Variants in CYP51A1 observed in about 807,000 individuals in gnomAD.
CYP51A1 encodes the protein cytochrome P450 family 51 subfamily A member 1.
In CYP51A1, 45 loss-of-function variants were observed where a neutral mutation model predicts 53.5. The ratio of observed to expected loss-of-function variants is 0.84; its 90% CI spans 0.66 to 1.08. CYP51A1 has a LOEUF of 1.08. CYP51A1 is among the 50% of genes least tolerant of loss of function. The probability of loss-of-function intolerance (pLI) is 0.00; values close to 1 mark genes in which losing one functional copy is unlikely to be tolerated. For synonymous variants in CYP51A1, 181 were observed against 217.7 expected (o/e 0.83, Z 1.48); for missense variants, 462 against 621.7 (o/e 0.74, Z 2.73).
In CYP51A1 at chr7:92,112,166, A is replaced by AATT. The variant is rs1222707491; in HGVS notation, c.*1496_*1498dup. 3.3e-5 allele frequency: 5 copies of AATT among 152,198 alleles called. No individual in the cohort carries two copies. The highest frequency in any genetic ancestry group is 7.4e-5 in the Non-Finnish European group (5 of 68,024). 9.4% of individuals were successfully genotyped at this position (152,198 alleles called of 1,614,324 possible). ...ATACAGACTGTATTTTTTCAAAGAG[A>AATT]ATTTTAATCTGAAAAATTAGCAGAG... On this transcript the variant is annotated 3_prime_UTR_variant, in exon 10 of 10. Coordinates refer to ENST00000003100, the MANE Select transcript of CYP51A1 (RefSeq NM_000786.4).
intron 7 of CYP51A1, among the ~76,000 whole-genome samples, chr7:92,121,238 C>T (rs530916058): frequency 3.9e-4 from 59 of 150,932 alleles, no homozygotes; most frequent in African/African-American, 1.1e-3. Context: ...GCCAAGGTCG[C>T]GCCATTGCAC....
At position 92,126,237 on chromosome 7, in the gene CYP51A1, T is replaced by C. The variant is rs762005865; in HGVS notation, c.770+16A>G. ...CAAAGTTAAATAACCTAGTGTAATATATTCTTTATCCATACCTGAAACTAG... is the reference window on the plus strand; with the variant it reads ...CAAAGTTAAATAACCTAGTGTAATACATTCTTTATCCATACCTGAAACTAG... On this transcript the variant is annotated intron_variant, in intron 5 of 9. Coordinates refer to ENST00000003100, the MANE Select transcript of CYP51A1 (RefSeq NM_000786.4). 5 of 1,568,210 alleles carry C rather than the reference T, an allele frequency of 3.2e-6. No homozygotes were observed. The South Asian group carries it at 6.0e-5, about 19-fold the overall frequency.
chr7:92,131,948 A>AC (rs1325375335), intron 1 of CYP51A1, 76 bp from the exon 2 acceptor site: 1 of 878,436 alleles, frequency 1.1e-6, no homozygotes, highest in South Asian at 1.4e-5. Context: ...TCATGACCAA[A>AC]CAATTAAACA....
At chr7:92,123,447 A>T in intron 6 of CYP51A1, 132 bp from the exon 7 acceptor site, 2 of 870,030 alleles carry the variant, frequency 2.3e-6, no homozygotes, top group Non-Finnish European at 3.5e-6. Flanking sequence ...ATCACAAGTC[A>T]AGAGTTTTTT....
In CYP51A1 at chr7:92,126,177, T is replaced by C. The variant is rs556559220; in HGVS notation, c.770+76A>G. 4.6e-5 allele frequency: 47 copies of C among 1,026,866 alleles called. No individual in the cohort carries two copies. In the South Asian group the frequency reaches 6.9e-4, roughly 15 times the overall value. 63.6% of individuals were successfully genotyped at this position (1,026,866 alleles called of 1,614,324 possible). A position where few individuals can be genotyped will look rare whatever the true frequency, so the allele number is the denominator to read the frequency against. ...TTTACTTGTTTAATTTTTATCTTTGTTAAGGCAAAGCATACCAACACTACA... is the reference window on the plus strand; with the variant it reads ...TTTACTTGTTTAATTTTTATCTTTGCTAAGGCAAAGCATACCAACACTACA... On this transcript the variant is annotated intron_variant, in intron 5 of 9. Transcript: ENST00000003100.
chr7:92,127,242 G>A (rs1819818552), intron 4 of CYP51A1, among the ~76,000 whole-genome samples: 1 of 152,138 alleles, frequency 6.6e-6, no homozygotes, highest in African/African-American at 2.4e-5. Flanking sequence ...GCTGCCCTGG[G>A]TCCTGCTGCC....
At chr7:92,119,370 C>T (rs747315928) in intron 7 of CYP51A1, among the ~76,000 whole-genome samples, 1 of 152,166 alleles carries the variant, frequency 6.6e-6, no homozygotes, top group African/African-American at 2.4e-5. Flanking sequence ...GACCTGTACA[C>T]ACAGGTAGTG....
At chr7:92,127,162 A>G (rs1019066649) in intron 4 of CYP51A1, among the ~76,000 whole-genome samples, 1 of 152,214 alleles carries the variant, frequency 6.6e-6, no homozygotes, top group Non-Finnish European at 1.5e-5. Context: ...ATATCAACTT[A>G]AGTATACCAA....
At chr7:92,131,103 A>T (rs139198261) in intron 2 of CYP51A1, among the ~76,000 whole-genome samples, 1 of 152,314 alleles carries the variant, frequency 6.6e-6, no homozygotes, top group African/African-American at 2.4e-5. Flanking sequence ...CGGAAAGAGG[A>T]AAGTGAAGAA....
chr7:92,129,391 T>C (rs971734714), intron 2 of CYP51A1, among the ~76,000 whole-genome samples: 15 of 152,216 alleles, frequency 9.9e-5, no homozygotes, highest in East Asian at 7.7e-4. Flanking sequence ...GGGTTTTCTT[T>C]AGTTATTACA....
chr7:92,120,880 C>A (rs1819678105), intron 7 of CYP51A1, among the ~76,000 whole-genome samples: 1 of 152,068 alleles, frequency 6.6e-6, no homozygotes, highest in African/African-American at 2.4e-5. Flanking sequence ...AAAGACAACT[C>A]ATTTTAAATA....
Position 92,123,307 on chromosome 7 carries a change from C to G in CYP51A1, c.899G>C (p.Arg300Pro). The change falls in exon 7 of 10, where the codon CGT becomes CCT. Residue 300 changes from arginine (R) to proline (P), a missense_variant. Physicochemically the swap from Arg to Pro is moderately radical, Grantham distance 103. Transcript: ENST00000003100. ...TLLDATYKDGRPLTDDEVAGM... is the reference protein window; with the variant it reads ...TLLDATYKDGPPLTDDEVAGM... ...TGCTACTTCATCATCAGTCAAAGGA[C>G]GCCCATCCCTAAGGAATGAACCAAA... is the stretch of plus-strand genomic sequence containing the variant. The G allele has an allele frequency of 6.2e-7, 1 of 1,612,340 alleles. No homozygotes were observed. Among genetic ancestry groups the G allele is most frequent in the Non-Finnish European group, 8.5e-7 (1 of 1,179,092 alleles).
chr7:92,120,709 A>T (rs1170153258), intron 7 of CYP51A1, among the ~76,000 whole-genome samples: 1 of 152,244 alleles, frequency 6.6e-6, no homozygotes, highest in Non-Finnish European at 1.5e-5. Flanking sequence ...ACATAAATTA[A>T]TTCATAATGG....
chr7:92,122,563 T>C (rs1250367055), intron 7 of CYP51A1, among the ~76,000 whole-genome samples: 1 of 152,214 alleles, frequency 6.6e-6, no homozygotes, highest in African/African-American at 2.4e-5. Context: ...ATGTGCCATA[T>C]TAATATAGGA....
intron 9 of CYP51A1, among the ~76,000 whole-genome samples, chr7:92,115,267 TC>T (rs1262657105): frequency 3.9e-5 from 6 of 152,196 alleles, no homozygotes. Context: ...TTCAAGTCCA[TC>T]CAGAACCTTA....
rs1819376299 is a variant in CYP51A1, at chr7:92,112,246, C to A, written c.*1419G>T. 1 of 152,074 alleles carries A rather than the reference C, an allele frequency of 6.6e-6. No individual in the cohort carries two copies. Among genetic ancestry groups the A allele is most frequent in the Admixed American group, 6.6e-5 (1 of 15,258 alleles). The allele number at this position is 152,074 out of a possible 1,614,324, so 9.4% of individuals were successfully genotyped here. On this transcript the variant is annotated 3_prime_UTR_variant, in exon 10 of 10. Transcript: ENST00000003100. Reference sequence around the variant, plus strand: ...GAGTCTTCCAGTGTTTTAAAAAGAACTGTAATATACATAAAGCAAAATATT... The same window carrying A: ...GAGTCTTCCAGTGTTTTAAAAAGAAATGTAATATACATAAAGCAAAATATT...
intron 1 of CYP51A1, among the ~76,000 whole-genome samples, chr7:92,132,577 T>TTAC (rs746236460): frequency 9.9e-5 from 15 of 152,226 alleles, no homozygotes; most frequent in Middle Eastern, 3.4e-3. Flanking sequence ...TCTTCACTAC[T>TTAC]TACTACTACT....
At chr7:92,120,525 C>T (rs937408425) in intron 7 of CYP51A1, among the ~76,000 whole-genome samples, 3 of 152,170 alleles carry the variant, frequency 2.0e-5, no homozygotes, top group Non-Finnish European at 2.9e-5. Flanking sequence ...TGAGCTCAAG[C>T]GACCTTCCCA....
intron 4 of CYP51A1, among the ~76,000 whole-genome samples, chr7:92,127,024 T>C (rs534915275): frequency 3.7e-4 from 57 of 152,236 alleles, no homozygotes; most frequent in Non-Finnish European, 6.8e-4. Context: ...CCAATTATAT[T>C]TGTCAATAAA....
Sources: gnomAD v4.1 joint callset for allele counts (sites outside exome capture counted in the v4.1 genomes callset) on GRCh38, gnomAD v4.1.1 for gene constraint, MANE v1.5 for transcripts, NCBI Gene and HGNC (gene_info 2026-07-23, HGNC 2026-07-21) for gene names.